Variants in BLK observed in about 807,000 individuals in gnomAD.
BLK encodes the protein tyrosine-protein kinase Blk.
A neutral mutation model predicts 61.8 loss-of-function variants in BLK; 64 were observed. The ratio of observed to expected loss-of-function variants is 1.03; its 90% CI spans 0.85 to 1.27. BLK has a LOEUF of 1.27. Among genes scored for constraint, BLK ranks in the 50% most tolerant of loss-of-function variants. BLK has a pLI of 0.00. For synonymous variants in BLK, 351 were observed against 272.0 expected (o/e 1.29, Z -2.86); for missense variants, 853 against 660.5 (o/e 1.29, Z -3.19).
chr8:11,544,472 C>T (rs759079483), intron 2 of BLK, among the ~76,000 whole-genome samples: 3 of 152,160 alleles, frequency 2.0e-5, no homozygotes, highest in Non-Finnish European at 4.4e-5. Context: ...AGGCATCTTA[C>T]CTATCTGTGT....
Position 11,561,471 on chromosome 8 carries a change from C to A in BLK, c.1180+19C>A, listed in dbSNP as rs753914596. 5.6e-6 allele frequency: 9 copies of A among 1,612,566 alleles called. No homozygotes were observed. In the African/African-American group the frequency reaches 9.3e-5, roughly 17 times the overall value. On this transcript the variant is annotated intron_variant, in intron 11 of 12. Transcript: ENST00000259089. ...CAAGAGGGTAAGCACAGCCCCTAACCACAAGGGAAACCTAGGGCCTTATCT... is the reference window on the plus strand; with the variant it reads ...CAAGAGGGTAAGCACAGCCCCTAACAACAAGGGAAACCTAGGGCCTTATCT...
Position 11,558,262 on chromosome 8 carries a change from G to A in BLK, c.1029+224G>A, listed in dbSNP as rs546698072. On this transcript the variant is annotated intron_variant, in intron 10 of 12. Coordinates refer to ENST00000259089, the MANE Select transcript of BLK (RefSeq NM_001715.3). ...CCCACGCAGCTGTGAGGGAGCCCAG[G>A]GAATGGAGCCTTAGACCCGGGCTGC... Among the ~76,000 whole-genome samples, 5 of 152,344 alleles carry A rather than the reference G, an allele frequency of 3.3e-5. No homozygotes were observed. In the South Asian group the frequency reaches 1.0e-3, roughly 32 times the overall value.
At chr8:11,515,017 A>G (rs941911480) in intron 1 of BLK, among the ~76,000 whole-genome samples, 1 of 151,942 alleles carries the variant, frequency 6.6e-6, no homozygotes, top group Non-Finnish European at 1.5e-5. Flanking sequence ...TCCCCTCCAC[A>G]TTCCCCGACA....
At position 11,544,724 on chromosome 8, in the gene BLK, C is replaced by T. The variant is rs527455906; in HGVS notation, c.124-1328C>T. On this transcript the variant is annotated intron_variant, in intron 2 of 12. Transcript: ENST00000259089. ...CAGAGTTGCCTCGAGACCCTTCTTC[C>T]GTGTGTTCATTTCATGTGTTCCTAT... 6.6e-5 allele frequency among the ~76,000 whole-genome samples: 10 copies of T among 152,274 alleles called. No individual in the cohort carries two copies. The South Asian group carries it at 1.0e-3, about 16-fold the overall frequency.
intron 2 of BLK, among the ~76,000 whole-genome samples, chr8:11,543,819 T>C (rs778791864): frequency 3.3e-5 from 5 of 152,026 alleles, no homozygotes; most frequent in African/African-American, 4.8e-5. Context: ...GCATTTTAAA[T>C]GAGGAAAACT....
chr8:11,514,242 A>T (rs1799136289), intron 1 of BLK, among the ~76,000 whole-genome samples: 1 of 152,228 alleles, frequency 6.6e-6, no homozygotes, highest in African/African-American at 2.4e-5. Flanking sequence ...CAGCTGAAAG[A>T]CAGGACTCAG....
intron 6 of BLK, among the ~76,000 whole-genome samples, chr8:11,551,643 T>G (rs73543868): frequency 0.014 from 2,151 of 152,274 alleles, 49 homozygotes; most frequent in African/African-American, 0.049. Flanking sequence ...GGTGTGACCA[T>G]TCCAGAGTCA....
At chr8:11,539,914 C>A (rs565843194) in intron 1 of BLK, among the ~76,000 whole-genome samples, 4 of 152,168 alleles carry the variant, frequency 2.6e-5, no homozygotes, top group Non-Finnish European at 5.9e-5. Flanking sequence ...TACTTCCTGT[C>A]AAAAGTTTAT....
intron 6 of BLK, among the ~76,000 whole-genome samples, chr8:11,551,578 T>G (rs1033932591): frequency 6.6e-6 from 1 of 152,208 alleles, no homozygotes; most frequent in Non-Finnish European, 1.5e-5. Flanking sequence ...AACAGATTCA[T>G]TCATGTGGTT....
At chr8:11,562,936 C>T (rs762130423) in intron 11 of BLK, 43 bp from the exon 12 acceptor site, 10 of 1,612,790 alleles carry the variant, frequency 6.2e-6, no homozygotes, top group Non-Finnish European at 8.5e-6. Flanking sequence ...GGGTAGGGGC[C>T]ACCGGCCGTG....
chr8:11,500,949 C>T (rs1290134507), intron 1 of BLK, among the ~76,000 whole-genome samples: 1 of 152,032 alleles, frequency 6.6e-6, no homozygotes, highest in Non-Finnish European at 1.5e-5. Flanking sequence ...TGGCTCACAC[C>T]TGTAATCCCA....
intron 2 of BLK, among the ~76,000 whole-genome samples, chr8:11,544,110 A>G (rs1800512687): frequency 6.6e-6 from 1 of 152,094 alleles, no homozygotes. Flanking sequence ...TCACAGGCAC[A>G]CATGCCACCA....
At chr8:11,517,004 G>A (rs769054432) in intron 1 of BLK, among the ~76,000 whole-genome samples, 5 of 152,234 alleles carry the variant, frequency 3.3e-5, no homozygotes, top group Non-Finnish European at 5.9e-5. Context: ...CTCCATACAG[G>A]ACTTTGAATT....
At chr8:11,506,956 T>C (rs915737673) in intron 1 of BLK, among the ~76,000 whole-genome samples, 1 of 152,224 alleles carries the variant, frequency 6.6e-6, no homozygotes, top group African/African-American at 2.4e-5. Flanking sequence ...TTGTCTCTCT[T>C]TCTGCTTTCC....
At chr8:11,506,328 T>C (rs527461385) in intron 1 of BLK, among the ~76,000 whole-genome samples, 13 of 152,340 alleles carry the variant, frequency 8.5e-5, no homozygotes, top group Admixed American at 2.6e-4. Flanking sequence ...AAAGATGTAG[T>C]TGGCTCATTT....
intron 6 of BLK, 133 bp from the exon 7 acceptor site, chr8:11,554,608 CTT>C: frequency 9.2e-7 from 1 of 1,085,914 alleles, no homozygotes; most frequent in Non-Finnish European, 1.4e-6. Context: ...GGAAAGGAAA[CTT>C]GTGGAGGGAG....
intron 1 of BLK, among the ~76,000 whole-genome samples, chr8:11,537,637 C>T (rs1163307246): frequency 6.6e-6 from 1 of 152,180 alleles, no homozygotes; most frequent in Non-Finnish European, 1.5e-5. Flanking sequence ...GCCAGCTCTG[C>T]CACCTTCAGC....
At chr8:11,545,826 C>T (rs1374674370) in intron 2 of BLK, 8 of 590,450 alleles carry the variant, frequency 1.4e-5, no homozygotes, top group South Asian at 1.9e-5. Flanking sequence ...ATTGGGGCAT[C>T]CCCCAGCGCG....
At chr8:11,528,997 C>A (rs1486079041) in intron 1 of BLK, among the ~76,000 whole-genome samples, 1 of 152,038 alleles carries the variant, frequency 6.6e-6, no homozygotes, top group African/African-American at 2.4e-5. Context: ...GGATGCTGGA[C>A]CGAATACTTA....
Sources: allele counts gnomAD v4.1 joint callset (sites outside exome capture counted in the v4.1 genomes callset), GRCh38; gene constraint gnomAD v4.1.1; transcripts MANE v1.5; gene names NCBI Gene and HGNC (gene_info 2026-07-23, HGNC 2026-07-21).